Variants in CCDC120 observed in about 807,000 individuals in gnomAD.
CCDC120 encodes coiled-coil domain containing 120.
Under a neutral mutation model 37.6 loss-of-function variants are expected in CCDC120, and 16 were observed. The observed-to-expected ratio is 0.43, with a 90% confidence interval of 0.29 to 0.65. The LOEUF is 0.65. CCDC120 is among the 30% of genes least tolerant of loss of function. The pLI is 0.18. For synonymous variants in CCDC120, 309 were observed against 275.4 expected, an observed-to-expected ratio of 1.12 and a Z score of -1.21; for missense variants, 650 against 657.4, an observed-to-expected ratio of 0.99 and a Z score of 0.12.
chrX:49,067,333 G>A lies in CCDC120; in HGVS notation c.1219G>A (p.Gly407Arg), dbSNP rs782512531. ...CCTGCTGGTGGACCGGGCCGCTGGT[G>A]GGGGAGCTGGCTCCCCGCCTGCCCC... ...EALLVDRAAG[G>R]GAGSPPAPLA... The change falls in exon 10 of 11, where the codon GGG becomes AGG. Residue 407 changes from glycine to arginine, a missense_variant. Physicochemically the swap from Gly to Arg is moderately radical, Grantham distance 125. Transcript: ENST00000603986. The A allele has an allele frequency of 6.6e-6, 8 of 1,204,828 alleles. No homozygotes were observed. The highest frequency in any genetic ancestry group is 7.8e-6 in the Non-Finnish European group (7 of 893,010).
At position 49,064,522 on chromosome X, in the gene CCDC120, G is replaced by A. The variant is rs782810284; in HGVS notation, c.582G>A (p.Glu194=). The A allele has an allele frequency of 1.2e-5, 14 of 1,182,597 alleles. No individual in the cohort carries two copies. The highest frequency in any genetic ancestry group is 5.1e-4 in the Middle Eastern group (2 of 3,916). The change falls in exon 6 of 11, where the codon GAG becomes GAA. Residue 194 remains glutamate (E), a synonymous_variant. Transcript: ENST00000603986. The part of the protein sequence containing the change: ...VQADALRRLH[E]LEEQLRDVRA... ...CAGATGCACTGAGGAGGCTGCATGAGCTAGAGGAGCAGCTCAGGGATGTCC... is the reference window on the plus strand; with the variant it reads ...CAGATGCACTGAGGAGGCTGCATGAACTAGAGGAGCAGCTCAGGGATGTCC...
rs201304409 is a variant in CCDC120, at chrX:49,065,429, A to G, written c.788-25A>G. 6.4e-5 allele frequency: 74 copies of G among 1,155,766 alleles called. No individual in the cohort carries two copies. The East Asian group carries it at 1.8e-3, about 29-fold the overall frequency. Reference sequence around the variant, plus strand: ...CTCTGGGCCCCCCTCATTGAATTCTATCCCACTTGCTCTCTTCCACTCAGA... The same window carrying G: ...CTCTGGGCCCCCCTCATTGAATTCTGTCCCACTTGCTCTCTTCCACTCAGA... On this transcript the variant is annotated intron_variant, in intron 7 of 10. Transcript: ENST00000603986.
intron 8 of CCDC120, 35 bp from the exon 9 acceptor site, chrX:49,065,710 TAC>T (rs1569522554): frequency 8.5e-7 from 1 of 1,180,220 alleles, no homozygotes. Context: ...TGCTGGTGGG[TAC>T]AGTCTCTAAC....
intron 10 of CCDC120, 23 bp downstream of exon 10, chrX:49,068,113 TG>T (rs1214975252): frequency 8.7e-7 from 1 of 1,155,162 alleles, no homozygotes; most frequent in African/African-American, 1.8e-5. Context: ...CTTTTACTGA[TG>T]GGTAGGGGTC....
chrX:49,065,129 C>T (rs782374368), intron 7 of CCDC120, 31 bp downstream of exon 7: 24 of 1,175,028 alleles, frequency 2.0e-5, no homozygotes, highest in African/African-American at 1.9e-4. Flanking sequence ...AACCTGCCCC[C>T]GACTCCTACG....
At chrX:49,062,888 C>T (rs191359313) in intron 4 of CCDC120, among the ~76,000 whole-genome samples, 1 of 109,445 alleles carries the variant, frequency 9.1e-6, no homozygotes, top group Admixed American at 9.7e-5. Flanking sequence ...GGAGAAATCC[C>T]GTCTCTACTA....
intron 1 of CCDC120, among the ~76,000 whole-genome samples, chrX:49,059,823 C>A (rs2064863454): frequency 9.9e-6 from 1 of 100,721 alleles, no homozygotes; most frequent in African/African-American, 3.7e-5. Flanking sequence ...CATGGGGTCA[C>A]TGGTAGGGGG....
At chrX:49,065,015 T>C in intron 6 of CCDC120, 21 bp from the exon 7 acceptor site, 1 of 1,204,720 alleles carries the variant, frequency 8.3e-7, no homozygotes, top group Non-Finnish European at 1.1e-6. Flanking sequence ...AGAGGCCCAC[T>C]TCTCCCCCTC....
chrX:49,066,106 C>G (rs2064950846), intron 9 of CCDC120, among the ~76,000 whole-genome samples: 1 of 111,620 alleles, frequency 9.0e-6, no homozygotes, highest in Non-Finnish European at 1.9e-5. Flanking sequence ...GCCTGTAATC[C>G]CAGCTACTTC....
intron 1 of CCDC120, among the ~76,000 whole-genome samples, chrX:49,060,037 C>CT (rs782059527): frequency 8.9e-6 from 1 of 112,413 alleles, no homozygotes; most frequent in South Asian, 3.7e-4. Flanking sequence ...GACTCATACT[C>CT]TAACTATGTC....
At chrX:49,059,723 C>G (rs1445467528) in intron 1 of CCDC120, among the ~76,000 whole-genome samples, 1 of 111,938 alleles carries the variant, frequency 8.9e-6, no homozygotes, top group African/African-American at 3.3e-5. Flanking sequence ...GAATGGCAGA[C>G]CTGAAAAACC....
chrX:49,064,755 G>A (rs1273318016), intron 6 of CCDC120, 91 bp downstream of exon 6: 2 of 1,017,809 alleles, frequency 2.0e-6, no homozygotes, highest in African/African-American at 1.9e-5. Context: ...AAAACCGGGA[G>A]GTAGGCACAA....
rs1388219440 is a variant in CCDC120, at chrX:49,064,141, T to C, written c.429+140T>C. The stretch of plus-strand genomic sequence containing the variant: ...TGAGAAGGAAAAGGGCTTCTGGAGT[T>C]AGTTTCCTGTGATGAGGGAGGATGC... On this transcript the variant is annotated intron_variant, in intron 5 of 10. Coordinates refer to ENST00000603986, the MANE Select transcript of CCDC120 (RefSeq NM_001163321.4). 1.0e-5 allele frequency: 9 copies of C among 900,265 alleles called. No homozygotes were observed. In the Admixed American group the frequency reaches 2.0e-4, roughly 20 times the overall value. 74.2% of individuals were successfully genotyped at this position (900,265 alleles called of 1,213,427 possible).
chrX:49,064,335 C>G, intron 5 of CCDC120, 35 bp from the exon 6 acceptor site: 1 of 1,137,703 alleles, frequency 8.8e-7, no homozygotes, highest in South Asian at 2.1e-5. Flanking sequence ...GGTCCCTGTT[C>G]CTGGCCATTT....
rs782090494 is a variant in CCDC120 at position 49,067,200 on chromosome X, G to A, written c.1086G>A (p.Gln362=). The change falls in exon 10 of 11, where the codon CAG becomes CAA. Residue 362 remains glutamine (Q), a synonymous_variant. Coordinates refer to ENST00000603986, the MANE Select transcript of CCDC120 (RefSeq NM_001163321.4). ...GACCTGAAGGCCTTCATTCTCGTCA[G>A]TGGTCCGGCAGCCAGGACTCCCAGA... ...LCKPEGLHSR[Q]WSGSQDSQMG... The A allele has an allele frequency of 1.8e-5, 22 of 1,209,078 alleles. No individual in the cohort carries two copies. Among genetic ancestry groups the A allele is most frequent in the South Asian group, 5.3e-5 (3 of 56,827 alleles).
rs781826924 is a variant in CCDC120, at chrX:49,067,517, C to T, written c.1403C>T (p.Ala468Val). 1.7e-5 allele frequency: 20 copies of T among 1,160,629 alleles called. No individual in the cohort carries two copies. Among genetic ancestry groups the T allele is most frequent in the Non-Finnish European group, 2.3e-5 (20 of 868,171 alleles). Residue 468 changes from alanine (A) to valine (V), a missense_variant, in exon 10 of 11, where the codon GCC (alanine) becomes GTC (valine). Coordinates refer to ENST00000603986, the MANE Select transcript of CCDC120 (RefSeq NM_001163321.4). Reference protein sequence around the residue: ...PSSAAPASRGAPRLPPVCGDF... With the variant: ...PSSAAPASRGVPRLPPVCGDF... ...TCAGCTGCCCCTGCCTCCCGAGGTG[C>T]CCCCCGGCTCCCACCTGTGTGTGGA... is the stretch of plus-strand genomic sequence containing the variant.
At chrX:49,056,104 G>A (rs980732326), upstream of CCDC120, among the ~76,000 whole-genome samples, 2 of 111,792 alleles carry the variant, frequency 1.8e-5, no homozygotes, top group Non-Finnish European at 3.8e-5. Flanking sequence ...GATACCAGTC[G>A]TATCTCAAAA....
At chrX:49,062,140 C>G (rs1193678821) in intron 2 of CCDC120, 36 bp downstream of exon 2, 1 of 1,161,778 alleles carries the variant, frequency 8.6e-7, no homozygotes, top group African/African-American at 1.8e-5. Context: ...CAGGTTACCC[C>G]TTATTCCCCG....
intron 4 of CCDC120, among the ~76,000 whole-genome samples, chrX:49,063,194 A>G (rs2064908959): frequency 1.1e-5 from 1 of 95,071 alleles, no homozygotes; most frequent in Non-Finnish European, 2.1e-5. Context: ...ACTCTGTCTC[A>G]AAAAAAAAAA....
Sources: allele counts gnomAD v4.1 joint callset (sites outside exome capture counted in the v4.1 genomes callset), GRCh38; gene constraint gnomAD v4.1.1; transcripts MANE v1.5; gene names NCBI Gene and HGNC (gene_info 2026-07-23, HGNC 2026-07-21).